The following ACSS2 variants were observed in gnomAD, a reference collection of about 807,000 sequenced individuals.
ACSS2 encodes acetyl-coenzyme A synthetase, cytoplasmic.
In ACSS2, 58 loss-of-function variants were observed where a neutral mutation model predicts 90.6. The observed-to-expected ratio is 0.64, with a 90% CI of 0.52 to 0.80. The LOEUF is 0.80. ACSS2 is among the 30% of genes least tolerant of loss of function. ACSS2 has a pLI of 0.00. For missense variants in ACSS2, 759 were observed against 912.0 expected, an observed-to-expected ratio of 0.83 and a Z score of 2.16; for synonymous variants, 300 against 330.9, an observed-to-expected ratio of 0.91 and a Z score of 1.01.
In ACSS2 at chr20:34,899,189, C is replaced by T. The variant is rs542198671; in HGVS notation, c.375-13907C>T. On this transcript the variant is annotated intron_variant, in intron 2 of 17. Transcript: ENST00000360596. The stretch of plus-strand genomic sequence containing the variant: ...CGGTTCCCGCTCGGGCCTCTCCCTC[C>T]GCACCTCCCTGCAAGCTGAGGGAGC... Among the ~76,000 whole-genome samples the T allele has an allele frequency of 4.6e-5, 7 of 152,298 alleles. 1 individual carries two copies. Among genetic ancestry groups the T allele is most frequent in the Admixed American group, 4.6e-4 (7 of 15,310 alleles).
Position 34,913,607 on chromosome 20 carries a change from G to A in ACSS2, c.570+111G>A, listed in dbSNP as rs144788346. Reference sequence around the variant, plus strand: ...AATAACAAACTAAGGAGCTTAGAAGGTTTGTGTCATAGGTCCATATTAGTT... The same window carrying A: ...AATAACAAACTAAGGAGCTTAGAAGATTTGTGTCATAGGTCCATATTAGTT... On this transcript the variant is annotated intron_variant, in intron 4 of 17. Transcript: ENST00000360596. The A allele has an allele frequency of 3.9e-5, 50 of 1,290,316 alleles. 1 individual carries two copies. In the African/African-American group the frequency reaches 5.5e-4, roughly 14 times the overall value. 79.9% of individuals were successfully genotyped at this position (1,290,316 alleles called of 1,614,324 possible). A position where few individuals can be genotyped will look rare whatever the true frequency, so the allele number is the denominator to read the frequency against.
chr20:34,920,519 G>A lies in ACSS2; in HGVS notation c.973-20G>A, dbSNP rs1269340439. The A allele has an allele frequency of 8.1e-6, 13 of 1,611,854 alleles. No individual in the cohort carries two copies. Among genetic ancestry groups the A allele is most frequent in the South Asian group, 1.1e-5 (1 of 91,010 alleles). On this transcript the variant is annotated intron_variant, in intron 8 of 17. Coordinates refer to ENST00000360596, the MANE Select transcript of ACSS2 (RefSeq NM_018677.4). The stretch of plus-strand genomic sequence containing the variant: ...AGGGGTGGGCATAAGACCCTAACCT[G>A]TTCCCCATTCTTCCCACAGGGTGTG...
chr20:34,923,458 A>G, intron 14 of ACSS2, 27 bp downstream of exon 14: 1 of 1,525,502 alleles, frequency 6.6e-7, no homozygotes, highest in Non-Finnish European at 9.1e-7. Context: ...CCCCTCTTGC[A>G]CCTCCCACTA....
chr20:34,911,464 A>G (rs1388038536), intron 2 of ACSS2, among the ~76,000 whole-genome samples: 1 of 151,984 alleles, frequency 6.6e-6, no homozygotes, highest in Non-Finnish European at 1.5e-5. Flanking sequence ...CTGGGATTAC[A>G]GGTATGAGCC....
At position 34,914,182 on chromosome 20, in the gene ACSS2, T is replaced by C; in HGVS notation, c.719+11T>C. 1 of 1,614,098 alleles carries C rather than the reference T, an allele frequency of 6.2e-7. No individual in the cohort carries two copies. The highest frequency in any genetic ancestry group is 1.7e-4 in the Middle Eastern group (1 of 6,060). ...GAAGTGTCAGGAGAAGTAAGTGTGT[T>C]TGGCTACTGTCTGAGTTGACTGAGC... On this transcript the variant is annotated intron_variant, in intron 6 of 17. Transcript: ENST00000360596.
chr20:34,917,871 C>A (rs2081108863), intron 7 of ACSS2, among the ~76,000 whole-genome samples: 4 of 152,152 alleles, frequency 2.6e-5, no homozygotes, highest in Admixed American at 2.6e-4. Flanking sequence ...TCCTGCCTCA[C>A]CCTCCCAAGT....
intron 2 of ACSS2, among the ~76,000 whole-genome samples, chr20:34,888,631 C>A (rs2080256012): frequency 6.6e-6 from 1 of 152,068 alleles, no homozygotes; most frequent in Non-Finnish European, 1.5e-5. Flanking sequence ...AAGTATATGA[C>A]AGGTAGTGAT....
exon 1 of ACSS2, chr20:34,876,595 CGGCACCCGCCGCGACCGCAAA>C (rs755194587): frequency 3.2e-5 from 41 of 1,294,126 alleles, 1 homozygote; most frequent in South Asian, 2.1e-4. Flanking sequence ...TTCTCAGTCC[CGGCACCCGCCGCGACCGCAAA>C]GGCGGCCGCG....
intron 2 of ACSS2, 133 bp from the exon 3 acceptor site, chr20:34,912,963 G>A (rs2080995274): frequency 2.7e-6 from 2 of 741,464 alleles, no homozygotes; most frequent in Non-Finnish European, 2.4e-6. Flanking sequence ...AAGATTGATG[G>A]TGGGCAGATA....
chr20:34,926,340 G>A, intron 16 of ACSS2, 59 bp downstream of exon 16: 4 of 1,563,924 alleles, frequency 2.6e-6, no homozygotes, highest in Non-Finnish European at 1.7e-6. Context: ...AGTTATCACT[G>A]CAAGTTGTTG....
intron 2 of ACSS2, among the ~76,000 whole-genome samples, chr20:34,894,442 A>T (rs1025938911): frequency 6.6e-5 from 10 of 152,158 alleles, no homozygotes; most frequent in African/African-American, 2.4e-4. Context: ...GTGAGCCAAG[A>T]TCATGCCACT....
intron 7 of ACSS2, among the ~76,000 whole-genome samples, chr20:34,917,674 T>C (rs1298607407): frequency 6.6e-6 from 1 of 152,196 alleles, no homozygotes; most frequent in African/African-American, 2.4e-5. Flanking sequence ...TGAAAGGACT[T>C]TGTGACAGCT....
In ACSS2 at chr20:34,913,442, G is replaced by A. The variant is rs939230074; in HGVS notation, c.516G>A (p.Glu172=). 2.5e-6 allele frequency: 4 copies of A among 1,613,964 alleles called. No individual in the cohort carries two copies. Among genetic ancestry groups the A allele is most frequent in the East Asian group, 2.2e-5 (1 of 44,896 alleles). ...RVAIYMPMIP[E]LVVAMLACAR... ...CCATCTACATGCCTATGATCCCAGA[G>A]CTTGTGGTGGCCATGCTGGCATGTG... Residue 172 remains glutamate, a synonymous_variant, in exon 4 of 18, where the codon GAG becomes GAA. Coordinates refer to ENST00000360596, the MANE Select transcript of ACSS2 (RefSeq NM_018677.4).
At chr20:34,901,116 C>T (rs1316849796) in intron 2 of ACSS2, among the ~76,000 whole-genome samples, 1 of 152,184 alleles carries the variant, frequency 6.6e-6, no homozygotes, top group African/African-American at 2.4e-5. Flanking sequence ...TTTTGGACAA[C>T]AGTGCTTTAG....
chr20:34,909,358 A>G (rs1319447061), intron 2 of ACSS2, among the ~76,000 whole-genome samples: 1 of 152,140 alleles, frequency 6.6e-6, no homozygotes, highest in African/African-American at 2.4e-5. Flanking sequence ...ACAGAGTGAG[A>G]CCCTGTCTCA....
rs141802801 is a variant in ACSS2 at position 34,921,051 on chromosome 20, A to C, written c.1189A>C (p.Ile397Leu). The C allele has an allele frequency of 3.4e-5, 55 of 1,613,488 alleles. No homozygotes were observed. The highest frequency in any genetic ancestry group is 4.5e-5 in the Non-Finnish European group (53 of 1,179,874). Reference sequence around the variant, plus strand: ...TCCGGACGTGAACCGCCTGTGGAGCATTGTGGACAAATACAAGGTGACCAA... The same window carrying C: ...TCCGGACGTGAACCGCCTGTGGAGCCTTGTGGACAAATACAAGGTGACCAA... ...TYPDVNRLWS[I>L]VDKYKVTKFY... The change falls in exon 10 of 18, where the codon ATT becomes CTT. Residue 397 changes from isoleucine (I) to leucine (L), a missense_variant. Physicochemically the swap from Ile to Leu is conservative, Grantham distance 5 (BLOSUM62 2). Transcript: ENST00000360596.
rs924531093 is a variant in ACSS2, at chr20:34,927,461, C to G, written c.*247C>G. On this transcript the variant is annotated 3_prime_UTR_variant, in exon 18 of 18. Coordinates refer to ENST00000360596, the MANE Select transcript of ACSS2 (RefSeq NM_018677.4). This position sits in a 1 kb window ranked among gnomAD's most constrained non-coding sequence, Gnocchi z 4.2. ...ACTGCAGAGCTCTCAGAACCCAGAA[C>G]AGAGACGAAAAGGCTACCTCTCCTA... The G allele has an allele frequency of 7.2e-6, 4 of 554,646 alleles. No homozygotes were observed. Among genetic ancestry groups the G allele is most frequent in the Non-Finnish European group, 1.3e-5 (4 of 311,736 alleles). The allele number at this position is 554,646 out of a possible 1,614,324, so 34.4% of individuals were successfully genotyped here.
intron 8 of ACSS2, among the ~76,000 whole-genome samples, chr20:34,920,092 C>G (rs916148035): frequency 4.6e-5 from 7 of 152,150 alleles, no homozygotes; most frequent in African/African-American, 1.7e-4. Flanking sequence ...TTGGAATATC[C>G]CTCAATAAGT....
At position 34,921,548 on chromosome 20, in the gene ACSS2, G is replaced by A. The variant is rs1435374127; in HGVS notation, c.1415G>A (p.Gly472Asp). The part of the protein sequence containing the change: ...VDTFWQTETG[G>D]HMLTPLPGAT... ...TCTCATCTCTGACTTCCCCAGGGTG[G>A]CCACATGTTGACTCCCCTTCCTGGT... The change falls in exon 12 of 18, where the codon GGC (glycine) becomes GAC (aspartate). Residue 472 changes from glycine to aspartate, a missense_variant. Physicochemically the swap from Gly to Asp is moderately conservative, Grantham distance 94. Coordinates refer to ENST00000360596, the MANE Select transcript of ACSS2 (RefSeq NM_018677.4). 12 of 1,614,196 alleles carry A rather than the reference G, an allele frequency of 7.4e-6. 1 individual carries two copies. In the Admixed American group the frequency reaches 2.0e-4, roughly 27 times the overall value.
Sources: allele counts gnomAD v4.1 joint callset (sites outside exome capture counted in the v4.1 genomes callset), GRCh38; gene constraint gnomAD v4.1.1; non-coding constraint Gnocchi (gnomAD v3.1); transcripts MANE v1.5; gene names NCBI Gene and HGNC (gene_info 2026-07-23, HGNC 2026-07-21).